ACSF3: variants seen among roughly 807,000 people sequenced by gnomAD.
The protein encoded by ACSF3 is acyl-CoA synthetase family member 3.
Under a neutral mutation model 53.2 loss-of-function variants are expected in ACSF3, and 78 were observed. That is an observed-to-expected ratio of 1.47 (90% confidence interval 1.22 to 1.77). The LOEUF is 1.77. Among genes scored for constraint, ACSF3 ranks in the 40% most tolerant of loss-of-function variants. ACSF3 has a pLI of 0.00. For synonymous variants in ACSF3, 414 were observed against 333.1 expected (o/e 1.24, Z -2.65); for missense variants, 937 against 771.1 (o/e 1.22, Z -2.55).
chr16:89,146,066 CG>C lies in ACSF3; in HGVS notation c.1613+20del. 1 of 440,128 alleles carries C rather than the reference CG, an allele frequency of 2.3e-6. No individual in the cohort carries two copies. The highest frequency in any genetic ancestry group is 4.6e-6 in the Non-Finnish European group (1 of 217,692). The allele number at this position is 440,128 out of a possible 1,614,324, so 27.3% of individuals were successfully genotyped here. ...GTGGGCCAGGTAGGGCTGGGTGGGG[CG>C]GGCAGGGAGCACTCATGGGGTCTTG... On this transcript the variant is annotated intron_variant, in intron 10 of 10. Coordinates refer to ENST00000614302, the MANE Select transcript of ACSF3 (RefSeq NM_001243279.3).
At position 89,154,080 on chromosome 16, in the gene ACSF3, GTC is replaced by G; in HGVS notation, c.1614-6_1614-5del. ...GGGCAGTGCGCCTCAGGCTGTGCTT[GTC>G]TCTGCAGAAATGTCCTGGCCCCGTA... On this transcript the variant is annotated splice_region_variant and splice_polypyrimidine_tract_variant and intron_variant, in intron 10 of 10. Transcript: ENST00000614302. 4 of 1,611,976 alleles carry G rather than the reference GTC, an allele frequency of 2.5e-6. No individual in the cohort carries two copies. The highest frequency in any genetic ancestry group is 1.3e-5 in the African/African-American group (1 of 75,046).
At chr16:89,145,564 A>T (rs898419878) in intron 9 of ACSF3, among the ~76,000 whole-genome samples, 163 bp downstream of exon 9, 1 of 152,194 alleles carries the variant, frequency 6.6e-6, no homozygotes, top group Non-Finnish European at 1.5e-5. Flanking sequence ...ACATGGGGCT[A>T]GTGGGGGTGC....
chr16:89,112,651 T>C (rs1904303479), intron 5 of ACSF3, among the ~76,000 whole-genome samples: 1 of 152,176 alleles, frequency 6.6e-6, no homozygotes, highest in East Asian at 1.9e-4. Context: ...CGTCTTCTCT[T>C]TCTCTATCTC....
At chr16:89,135,807 C>T (rs1372845160) in intron 8 of ACSF3, among the ~76,000 whole-genome samples, 1 of 152,264 alleles carries the variant, frequency 6.6e-6, no homozygotes, top group Non-Finnish European at 1.5e-5. Flanking sequence ...CGGAGTCTCG[C>T]TCTGTCGCCC....
chr16:89,124,281 G>A (rs2151490015), intron 7 of ACSF3, among the ~76,000 whole-genome samples: 1 of 152,288 alleles, frequency 6.6e-6, no homozygotes, highest in South Asian at 2.1e-4. Flanking sequence ...GATGTCATAG[G>A]ACGAGGGGGC....
intron 8 of ACSF3, among the ~76,000 whole-genome samples, chr16:89,136,026 C>T (rs942754563): frequency 5.9e-5 from 9 of 152,390 alleles, no homozygotes; most frequent in Non-Finnish European, 8.8e-5. Flanking sequence ...CCGCCCGCCT[C>T]GGCCTCCCAC....
At chr16:89,120,032 C>T (rs377693782) in intron 6 of ACSF3, among the ~76,000 whole-genome samples, 1 of 152,242 alleles carries the variant, frequency 6.6e-6, no homozygotes, top group Admixed American at 6.5e-5. Flanking sequence ...GTGCTGACGC[C>T]ACATCGCCAG....
intron 4 of ACSF3, among the ~76,000 whole-genome samples, chr16:89,104,996 T>G (rs1975792433): frequency 8.0e-6 from 1 of 124,856 alleles, no homozygotes; most frequent in African/African-American, 2.9e-5. Context: ...GTCAGCTCCC[T>G]CCACTGCTCT....
intron 4 of ACSF3, among the ~76,000 whole-genome samples, chr16:89,109,228 T>G (rs1428892876): frequency 2.8e-5 from 2 of 71,866 alleles, no homozygotes; most frequent in Non-Finnish European, 4.9e-5. Context: ...CAAGACTGTC[T>G]CAAAAAAAAA....
In ACSF3 at chr16:89,146,050, GTA is replaced by G. The variant is rs2151564935; in HGVS notation, c.1613+2_1613+3del. ...ACAGGGAGCTCAAAGAGTGGGCCAGGTAGGGCTGGGTGGGGCGGGCAGGGAGC... is the reference window on the plus strand; with the variant it reads ...ACAGGGAGCTCAAAGAGTGGGCCAGGGGGCTGGGTGGGGCGGGCAGGGAGC... On this transcript the variant is annotated splice_donor_variant and splice_donor_region_variant and intron_variant, in intron 10 of 10. Coordinates refer to ENST00000614302, the MANE Select transcript of ACSF3 (RefSeq NM_001243279.3). LOFTEE classifies it high-confidence loss of function. 1 of 601,094 alleles carries G rather than the reference GTA, an allele frequency of 1.7e-6. No individual in the cohort carries two copies. Among genetic ancestry groups the G allele is most frequent in the Non-Finnish European group, 3.1e-6 (1 of 324,616 alleles). The allele number at this position is 601,094 out of a possible 1,614,324, so 37.2% of individuals were successfully genotyped here. A position where few individuals can be genotyped will look rare whatever the true frequency, so the allele number is the denominator to read the frequency against.
intron 7 of ACSF3, among the ~76,000 whole-genome samples, chr16:89,128,930 A>G (rs1908712671): frequency 6.6e-6 from 1 of 151,846 alleles, no homozygotes; most frequent in African/African-American, 2.4e-5. Context: ...GTTTGAGCCC[A>G]GCCTGAGCAA....
In ACSF3 at chr16:89,102,675, C is replaced by A. The variant is rs112722289; in HGVS notation, c.738C>A (p.His246Gln). The change falls in exon 4 of 11, where the codon CAC becomes CAA. Residue 246 changes from histidine to glutamine, a missense_variant. Transcript: ENST00000614302. Reference sequence around the variant, plus strand: ...TCCTCCACGTGCTCCCGCTGCACCACGTCCATGGTGTGGTCAACGCGCTGC... The same window carrying A: ...TCCTCCACGTGCTCCCGCTGCACCAAGTCCATGGTGTGGTCAACGCGCTGC... Reference protein sequence around the residue: ...DVILHVLPLHHVHGVVNALLC... With the variant: ...DVILHVLPLHQVHGVVNALLC... 1 of 1,613,942 alleles carries A rather than the reference C, an allele frequency of 6.2e-7. No individual in the cohort carries two copies. The highest frequency in any genetic ancestry group is 8.5e-7 in the Non-Finnish European group (1 of 1,180,036).
At chr16:89,151,840 C>A (rs1020148356) in intron 10 of ACSF3, 9 of 152,284 alleles carry the variant, frequency 5.9e-5, no homozygotes, top group Admixed American at 5.2e-4. Flanking sequence ...CTCCTGACTT[C>A]AAGTAATCCT....
chr16:89,097,009 A>T (rs984251275), intron 1 of ACSF3, among the ~76,000 whole-genome samples: 1 of 152,256 alleles, frequency 6.6e-6, no homozygotes, highest in Non-Finnish European at 1.5e-5. Context: ...CCAGCTGTGC[A>T]CGTCAGCATC....
chr16:89,125,461 G>A (rs142986948), intron 7 of ACSF3, among the ~76,000 whole-genome samples: 108 of 152,266 alleles, frequency 7.1e-4, no homozygotes, highest in African/African-American at 2.6e-3. Context: ...GGGAGGCCAA[G>A]GCAGGCTAAT....
chr16:89,096,215 G>A (rs1015363838), intron 1 of ACSF3, among the ~76,000 whole-genome samples: 8 of 124,562 alleles, frequency 6.4e-5, no homozygotes, highest in South Asian at 2.4e-4. Flanking sequence ...AGGGTGCTGC[G>A]TAGCAGGGGT....
intron 7 of ACSF3, among the ~76,000 whole-genome samples, chr16:89,132,296 C>T (rs368658711): frequency 3.6e-4 from 55 of 152,320 alleles, no homozygotes; most frequent in African/African-American, 1.1e-3. Context: ...GAGTGAGGGT[C>T]GTGGAGCTGG....
In ACSF3 at chr16:89,141,057, C is replaced by G. The variant is rs1036640266; in HGVS notation, c.1367-4210C>G. 1.5e-5 allele frequency: 19 copies of G among 1,265,806 alleles called. No homozygotes were observed. In the African/African-American group the frequency reaches 2.4e-4, roughly 16 times the overall value. The allele number at this position is 1,265,806 out of a possible 1,614,324, so 78.4% of individuals were successfully genotyped here. On this transcript the variant is annotated intron_variant, in intron 8 of 10. Coordinates refer to ENST00000614302, the MANE Select transcript of ACSF3 (RefSeq NM_001243279.3). ...AAGGTTATTTAACTTGTTTGACTTG[C>G]ATTTCACAGTGATCGCAAGTTGCCC...
At chr16:89,114,690 G>A (rs1333964480) in intron 6 of ACSF3, 6 of 742,380 alleles carry the variant, frequency 8.1e-6, no homozygotes, top group Non-Finnish European at 1.1e-5. Context: ...CCAAGTCTCA[G>A]TCGGGTGGAT....
Sources: allele counts gnomAD v4.1 joint callset (sites outside exome capture counted in the v4.1 genomes callset), GRCh38; gene constraint gnomAD v4.1.1; transcripts MANE v1.5; gene names NCBI Gene and HGNC (gene_info 2026-07-23, HGNC 2026-07-21).